The following THAP6 variants were observed in gnomAD, a reference collection of about 807,000 sequenced individuals.
The protein encoded by THAP6 is THAP domain containing 6, also known as THAP domain-containing protein 6.
A neutral mutation model predicts 20.0 loss-of-function variants in THAP6; 13 were observed. The ratio of observed to expected loss-of-function variants is 0.65; its 90% CI spans 0.42 to 1.03. The LOEUF is 1.03. Ranked by LOEUF, THAP6 falls within the 50% of genes least tolerant of loss-of-function variation. The pLI, the probability that THAP6 is intolerant of heterozygous loss-of-function variation, is 0.00. For synonymous variants in THAP6, 93 were observed against 92.2 expected (o/e 1.01, Z -0.05); for missense variants, 262 against 261.6 (o/e 1.00, Z -0.01).
chr4:75,515,740 A>G (rs921065924), intron 2 of THAP6, among the ~76,000 whole-genome samples: 4 of 152,258 alleles, frequency 2.6e-5, no homozygotes, highest in African/African-American at 7.2e-5. Context: ...AAGATATCAG[A>G]GACTGGTTTA....
rs748134990 is a variant in THAP6, at chr4:75,516,841, C to T, written c.150C>T (p.Ala50=). ...TGAAAAGACTTGATGTGAATGCAGC[C>T]GGCATTTGGGAGCCTAAAAAAGGAG... The part of the protein sequence containing the change: ...LAMKRLDVNA[A]GIWEPKKGDV... Residue 50 remains alanine (A), a synonymous_variant, in exon 3 of 5, where the codon GCC becomes GCT. Transcript: ENST00000311638. 2.5e-6 allele frequency: 4 copies of T among 1,613,916 alleles called. No individual in the cohort carries two copies. The highest frequency in any genetic ancestry group is 2.2e-5 in the East Asian group (1 of 44,868).
Position 75,529,811 on chromosome 4 carries a change from C to T in THAP6, c.*2597C>T, listed in dbSNP as rs974291187. 34 of 985,182 alleles carry T rather than the reference C, an allele frequency of 3.5e-5. No individual in the cohort carries two copies. Among genetic ancestry groups the T allele is most frequent in the Admixed American group, 1.2e-4 (2 of 16,254 alleles). The allele number at this position is 985,182 out of a possible 1,614,324, so 61.0% of individuals were successfully genotyped here. A position where few individuals can be genotyped will look rare whatever the true frequency, so the allele number is the denominator to read the frequency against. On this transcript the variant is annotated 3_prime_UTR_variant, in exon 5 of 5. Coordinates refer to ENST00000311638, the MANE Select transcript of THAP6 (RefSeq NM_144721.6). The stretch of plus-strand genomic sequence containing the variant: ...CAAGTCAGGTACGAAGCGCTTGATA[C>T]GTGGAATTTTTCTCTATATCAAGTT...
chr4:75,535,914 G>A (rs966371299), intron 2 of THAP6, among the ~76,000 whole-genome samples: 1 of 152,068 alleles, frequency 6.6e-6, no homozygotes, highest in African/African-American at 2.4e-5. Context: ...AAATTTCTCT[G>A]TCCTAGCTCC....
chr4:75,530,704 CT>C (rs1726654170), downstream of THAP6, among the ~76,000 whole-genome samples: 1 of 152,172 alleles, frequency 6.6e-6, no homozygotes. Flanking sequence ...TGAGCTGTTT[CT>C]GATCCTTTAA....
chr4:75,517,528 A>G (rs1725738815), intron 3 of THAP6: 1 of 152,348 alleles, frequency 6.6e-6, no homozygotes, highest in Non-Finnish European at 1.5e-5. Flanking sequence ...GACTTTAGGA[A>G]TTAGCATAAC....
At chr4:75,523,527 G>T (rs1726167062) in intron 4 of THAP6, among the ~76,000 whole-genome samples, 1 of 152,054 alleles carries the variant, frequency 6.6e-6, no homozygotes, top group African/African-American at 2.4e-5. Context: ...CTTTAGGCCG[G>T]GTGTGATGGC....
upstream of THAP6, chr4:75,513,952 C>T: frequency 2.4e-6 from 1 of 413,626 alleles, no homozygotes; most frequent in South Asian, 6.0e-5. Context: ...CTGGCAGAGA[C>T]CACTGTGCAA....
chr4:75,534,706 A>G (rs1726800578), downstream of THAP6, among the ~76,000 whole-genome samples: 1 of 152,246 alleles, frequency 6.6e-6, no homozygotes, highest in South Asian at 2.1e-4. Flanking sequence ...GAACTCAAAT[A>G]AATTTACAAG....
At chr4:75,533,008 C>T (rs1726734125), downstream of THAP6, among the ~76,000 whole-genome samples, 1 of 152,224 alleles carries the variant, frequency 6.6e-6, no homozygotes, top group Non-Finnish European at 1.5e-5. Context: ...CTCCTCATTA[C>T]TTACGCAAGT....
downstream of THAP6, among the ~76,000 whole-genome samples, chr4:75,534,087 A>G (rs985951044): frequency 1.1e-4 from 16 of 152,176 alleles, no homozygotes; most frequent in African/African-American, 3.9e-4. Flanking sequence ...AAAGGACATG[A>G]ACTCATCCTT....
chr4:75,521,446 C>G (rs1428532036), intron 3 of THAP6, among the ~76,000 whole-genome samples: 1 of 151,916 alleles, frequency 6.6e-6, no homozygotes, highest in Non-Finnish European at 1.5e-5. Context: ...GTTTTTCTGT[C>G]TAGTCCTAAC....
At chr4:75,517,162 CACCT>C in intron 3 of THAP6, 183 bp downstream of exon 3, 2 of 510,920 alleles carry the variant, frequency 3.9e-6, no homozygotes, top group Admixed American at 3.4e-5. Flanking sequence ...GGATTACAGG[CACCT>C]GCCACCACAC....
intron 3 of THAP6, among the ~76,000 whole-genome samples, chr4:75,546,021 T>C (rs1727120028): frequency 6.6e-6 from 1 of 152,122 alleles, no homozygotes; most frequent in African/African-American, 2.4e-5. Flanking sequence ...ATCTTTAGGG[T>C]TTTTTTCCTT....
At chr4:75,547,162 CCCT>C (rs1219663829) in intron 3 of THAP6, among the ~76,000 whole-genome samples, 2 of 152,202 alleles carry the variant, frequency 1.3e-5, no homozygotes, top group Admixed American at 1.3e-4. Context: ...CTTCTCCCTT[CCCT>C]CCTCCTCCAT....
chr4:75,544,686 G>A (rs77176559), intron 3 of THAP6: 2 of 150,692 alleles, frequency 1.3e-5, no homozygotes, highest in Non-Finnish European at 3.0e-5. Context: ...TTTTTTTTTA[G>A]ACAAAGGTAT....
downstream of THAP6, among the ~76,000 whole-genome samples, chr4:75,532,952 A>G (rs1726731397): frequency 6.6e-6 from 1 of 152,172 alleles, no homozygotes; most frequent in African/African-American, 2.4e-5. Flanking sequence ...GATCGCTGAC[A>G]TGCCCTGGAG....
At chr4:75,535,929 C>G in intron 2 of THAP6, among the ~76,000 whole-genome samples, 1 of 152,320 alleles carries the variant, frequency 6.6e-6, no homozygotes, top group African/African-American at 2.4e-5. Flanking sequence ...AGCTCCACTT[C>G]TATTGATTGT....
Position 75,521,862 on chromosome 4 carries a change from G to C in THAP6, c.414+1G>C. 6.2e-7 allele frequency: 1 copy of C among 1,613,128 alleles called. No individual in the cohort carries two copies. Among genetic ancestry groups the C allele is most frequent in the Non-Finnish European group, 8.5e-7 (1 of 1,179,466 alleles). ...AGAATTCCAATCCCAGTTCATTTTTGTAAGTAAATTACTTGCTGAGCTCAT... is the reference window on the plus strand; with the variant it reads ...AGAATTCCAATCCCAGTTCATTTTTCTAAGTAAATTACTTGCTGAGCTCAT... On this transcript the variant is annotated splice_donor_variant, in intron 4 of 4. Coordinates refer to ENST00000311638, the MANE Select transcript of THAP6 (RefSeq NM_144721.6). LOFTEE classifies it high-confidence loss of function.
downstream of THAP6, among the ~76,000 whole-genome samples, chr4:75,533,017 G>A (rs1430705854): frequency 6.6e-6 from 1 of 152,182 alleles, no homozygotes; most frequent in Non-Finnish European, 1.5e-5. Context: ...ACTTACGCAA[G>A]TTTCTGCAGC....
Sources: gnomAD v4.1 joint callset for allele counts (sites outside exome capture counted in the v4.1 genomes callset) on GRCh38, gnomAD v4.1.1 for gene constraint, MANE v1.5 for transcripts, NCBI Gene and HGNC (gene_info 2026-07-23, HGNC 2026-07-21) for gene names.